SGCD: variants seen among roughly 807,000 people sequenced by gnomAD.
SGCD encodes sarcoglycan delta, also known as delta-sarcoglycan.
In SGCD, 18 loss-of-function variants were observed where a neutral mutation model predicts 36.6. The ratio of observed to expected loss-of-function variants is 0.49; its 90% CI spans 0.34 to 0.73. The LOEUF (loss-of-function observed/expected upper bound fraction) is 0.73, where lower values mean the gene tolerates loss of function less well. Among genes scored for constraint, SGCD ranks in the 30% least tolerant of loss-of-function variants. The pLI is 0.01. For missense variants in SGCD, 387 were observed against 346.7 expected (o/e 1.12, Z -0.92); for synonymous variants, 133 against 130.6 (o/e 1.02, Z -0.12).
intron 7 of SGCD, among the ~76,000 whole-genome samples, chr5:156,657,061 T>A (rs928507439): frequency 6.6e-6 from 1 of 152,170 alleles, no homozygotes; most frequent in Admixed American, 6.5e-5. Context: ...TGTTAGGATG[T>A]CTATAACCAA....
At chr5:155,802,115 AG>A in the SGCD span, among the ~76,000 whole-genome samples, 1 of 152,282 alleles carries the variant, frequency 6.6e-6, no homozygotes, top group Non-Finnish European at 1.5e-5. Context: ...TTCCCAGAAG[AG>A]GGAGTTTAGA....
chr5:156,460,784 A>G (rs993652246), intron 3 of SGCD, among the ~76,000 whole-genome samples: 4 of 152,308 alleles, frequency 2.6e-5, no homozygotes, highest in African/African-American at 9.6e-5. Context: ...GATGGTTCAC[A>G]AAAAGGAGTT....
At chr5:155,872,857 C>T (rs544310320) in intron 1 of SGCD, among the ~76,000 whole-genome samples, 1 of 152,096 alleles carries the variant, frequency 6.6e-6, no homozygotes, top group African/African-American at 2.4e-5. Context: ...ATCCAGCATT[C>T]GTTGTTAGTT....
At chr5:156,142,145 C>T (rs1429820723) in intron 3 of SGCD, among the ~76,000 whole-genome samples, 1 of 152,120 alleles carries the variant, frequency 6.6e-6, no homozygotes, top group African/African-American at 2.4e-5. Flanking sequence ...AAGTGTGTAG[C>T]ACCTCCCTGC....
intron 1 of SGCD, among the ~76,000 whole-genome samples, chr5:155,959,182 G>T (rs763245389): frequency 6.6e-6 from 1 of 152,142 alleles, no homozygotes; most frequent in African/African-American, 2.4e-5. Flanking sequence ...TTAGTTTAAC[G>T]TGACATAGCT....
intron 1 of SGCD, among the ~76,000 whole-genome samples, chr5:156,084,674 T>A (rs1020896854): frequency 6.6e-6 from 1 of 152,246 alleles, no homozygotes; most frequent in East Asian, 1.9e-4. Flanking sequence ...CTCTTCGTTA[T>A]GTCTGCTCTT....
At chr5:156,356,007 T>C (rs1769473915) in intron 3 of SGCD, among the ~76,000 whole-genome samples, 1 of 152,238 alleles carries the variant, frequency 6.6e-6, no homozygotes. Context: ...TATGTTTGCT[T>C]ACTCTGTATC....
chr5:156,071,158 C>A (rs1411640235), intron 1 of SGCD, among the ~76,000 whole-genome samples: 1 of 152,054 alleles, frequency 6.6e-6, no homozygotes, highest in Non-Finnish European at 1.5e-5. Context: ...TTAGTTATTT[C>A]TTGCCTTCTG....
At chr5:156,298,580 T>TC (rs796313265) in intron 3 of SGCD, among the ~76,000 whole-genome samples, 57 of 143,682 alleles carry the variant, frequency 4.0e-4, no homozygotes, top group Middle Eastern at 3.5e-3. Flanking sequence ...TCTTTTCTTT[T>TC]TTTTTTTTTT....
intron 3 of SGCD, among the ~76,000 whole-genome samples, chr5:156,194,322 T>A (rs1200406315): frequency 6.6e-6 from 1 of 152,068 alleles, no homozygotes; most frequent in Non-Finnish European, 1.5e-5. Context: ...GAGGTTGCAC[T>A]GAGCAGAGAT....
the SGCD span, among the ~76,000 whole-genome samples, chr5:155,854,613 T>G: frequency 1.1e-4 from 16 of 152,180 alleles, no homozygotes; most frequent in African/African-American, 3.6e-4. Context: ...AACAATAAAT[T>G]ATTTCTAGAA....
chr5:156,515,399 T>C (rs1004399155), intron 4 of SGCD, among the ~76,000 whole-genome samples: 2 of 152,098 alleles, frequency 1.3e-5, no homozygotes, highest in African/African-American at 2.4e-5. Flanking sequence ...GGATGGCTGC[T>C]CCCACTGAGA....
At chr5:155,758,890 A>C in the SGCD span, among the ~76,000 whole-genome samples, 9 of 152,146 alleles carry the variant, frequency 5.9e-5, no homozygotes, top group African/African-American at 2.2e-4. Context: ...ACTGCCTTCT[A>C]TTTTATGCCT....
chr5:155,786,320 A>G, the SGCD span, among the ~76,000 whole-genome samples: 1 of 152,122 alleles, frequency 6.6e-6, no homozygotes, highest in Non-Finnish European at 1.5e-5. Context: ...CCTGTTTGGC[A>G]CCAGCCCCAG....
chr5:155,777,304 C>T, the SGCD span, among the ~76,000 whole-genome samples: 1 of 150,548 alleles, frequency 6.6e-6, no homozygotes, highest in African/African-American at 2.4e-5. Context: ...TAGCTTTATT[C>T]TCTGCACTTT....
chr5:156,457,789 G>A (rs969564087), intron 3 of SGCD, among the ~76,000 whole-genome samples: 1 of 152,216 alleles, frequency 6.6e-6, no homozygotes, highest in Non-Finnish European at 1.5e-5. Flanking sequence ...TCTAGTCCCT[G>A]TTTGAGAGCT....
At chr5:155,891,932 T>G (rs572202521) in intron 1 of SGCD, among the ~76,000 whole-genome samples, 1 of 152,260 alleles carries the variant, frequency 6.6e-6, no homozygotes, top group South Asian at 2.1e-4. Flanking sequence ...ATAGAAGTAA[T>G]CTGTGAAAAC....
intron 3 of SGCD, among the ~76,000 whole-genome samples, chr5:156,372,183 T>C (rs947025855): frequency 6.6e-6 from 1 of 152,180 alleles, no homozygotes; most frequent in Non-Finnish European, 1.5e-5. Context: ...GAAATTATAA[T>C]GGAAAAGAGC....
At chr5:155,847,214 T>C in the SGCD span, among the ~76,000 whole-genome samples, 3 of 152,180 alleles carry the variant, frequency 2.0e-5, no homozygotes, top group Admixed American at 1.3e-4. Flanking sequence ...TTAAAACAGC[T>C]CTATGAATTT....
Sources: gnomAD v4.1 joint callset for allele counts (sites outside exome capture counted in the v4.1 genomes callset) on GRCh38, gnomAD v4.1.1 for gene constraint, MANE v1.5 for transcripts, NCBI Gene and HGNC (gene_info 2026-07-23, HGNC 2026-07-21) for gene names.